Variants in CRYL1 observed in about 807,000 individuals in gnomAD.
CRYL1 encodes the protein crystallin lambda 1.
CRYL1 carries 29 observed loss-of-function variants against 36.6 expected under a neutral mutation model. The ratio of observed to expected loss-of-function variants is 0.79; its 90% CI spans 0.59 to 1.08. The LOEUF (loss-of-function observed/expected upper bound fraction) is 1.08, where lower values mean the gene tolerates loss of function less well. CRYL1 is among the 50% of genes least tolerant of loss of function. CRYL1 has a pLI of 0.00. For synonymous variants in CRYL1, 152 were observed against 151.5 expected, an observed-to-expected ratio of 1.00 and a Z score of -0.02; for missense variants, 411 against 407.9, an observed-to-expected ratio of 1.01 and a Z score of -0.06.
At chr13:20,513,443 G>A (rs1210059780) in intron 1 of CRYL1, 1 of 152,190 alleles carries the variant, frequency 6.6e-6, no homozygotes, top group Non-Finnish European at 1.5e-5. Context: ...ACATACCACA[G>A]GTCTTACCTA....
At position 20,525,433 on chromosome 13, in the gene CRYL1, G is replaced by A. The variant is rs1280754527; in HGVS notation, c.41+321C>T. ...CTGGCACTTCTATGTGGACCTGCGG[G>A]CAGACGCGGCGACATTCAACAGAGT... On this transcript the variant is annotated intron_variant, in intron 1 of 7. Coordinates refer to ENST00000298248, the MANE Select transcript of CRYL1 (RefSeq NM_015974.3). This position sits in a 1 kb window ranked among gnomAD's most constrained non-coding sequence, Gnocchi z 4.3. Among the ~76,000 whole-genome samples, 2 of 152,212 alleles carry A rather than the reference G, an allele frequency of 1.3e-5. No individual in the cohort carries two copies. The highest frequency in any genetic ancestry group is 2.9e-5 in the Non-Finnish European group (2 of 68,030).
At chr13:20,449,942 G>GGGCCGGGCGCGGTGGCTC (rs2032533598) in intron 3 of CRYL1, among the ~76,000 whole-genome samples, 1 of 152,086 alleles carries the variant, frequency 6.6e-6, no homozygotes, top group African/African-American at 2.4e-5. Flanking sequence ...AGAAATCACA[G>GGGCCGGGCGCGGTGGCTC]ATAACACAAA....
chr13:20,454,576 C>T (rs145661545), intron 3 of CRYL1, among the ~76,000 whole-genome samples: 2,335 of 152,094 alleles, frequency 0.015, 66 homozygotes, highest in African/African-American at 0.054. Context: ...TGCCACCACA[C>T]CCGGCTAATT....
intron 5 of CRYL1, among the ~76,000 whole-genome samples, chr13:20,420,710 T>C (rs2031786198): frequency 4.8e-5 from 6 of 123,998 alleles, no homozygotes; most frequent in Admixed American, 4.2e-4. Flanking sequence ...GTTGTGTGTG[T>C]GTGTGTGTGT....
chr13:20,430,357 A>G (rs956263906), intron 5 of CRYL1: 1 of 985,296 alleles, frequency 1.0e-6, no homozygotes, highest in African/African-American at 1.7e-5. Flanking sequence ...TGAGTCCCAC[A>G]GCAGCCAACA....
At chr13:20,488,490 G>C (rs958563842) in intron 3 of CRYL1, among the ~76,000 whole-genome samples, 1 of 152,190 alleles carries the variant, frequency 6.6e-6, no homozygotes, top group African/African-American at 2.4e-5. Context: ...TAGAGTCATA[G>C]AGACCTAAAA....
chr13:20,404,371 G>A, intron 7 of CRYL1, 129 bp from the exon 8 acceptor site: 1 of 653,184 alleles, frequency 1.5e-6, no homozygotes, highest in Non-Finnish European at 2.7e-6. Flanking sequence ...AACCCTCAAT[G>A]AACAGCAGCT....
At chr13:20,461,580 A>G (rs915433104) in intron 3 of CRYL1, among the ~76,000 whole-genome samples, 4 of 152,156 alleles carry the variant, frequency 2.6e-5, no homozygotes, top group African/African-American at 9.7e-5. Flanking sequence ...GGCACCACAA[A>G]GCAGGCAGCC....
chr13:20,494,283 T>A (rs2033566338), intron 2 of CRYL1, among the ~76,000 whole-genome samples: 1 of 152,274 alleles, frequency 6.6e-6, no homozygotes, highest in Non-Finnish European at 1.5e-5. Context: ...AGATGTTTAA[T>A]ACTGCGCCCA....
intron 5 of CRYL1, chr13:20,431,614 A>T: frequency 9.6e-7 from 1 of 1,040,894 alleles, no homozygotes; most frequent in Non-Finnish European, 1.2e-6. Flanking sequence ...TTTACATATC[A>T]TTTCCTCTTT....
At chr13:20,442,771 T>TG (rs1285623390) in intron 3 of CRYL1, among the ~76,000 whole-genome samples, 9 of 152,240 alleles carry the variant, frequency 5.9e-5, no homozygotes, top group African/African-American at 1.9e-4. Flanking sequence ...GCACTGACTT[T>TG]TGTTTGTTTG....
rs1055896299 is a variant in CRYL1 at position 20,435,133 on chromosome 13, T to G, written c.439-2837A>C. Reference sequence around the variant, plus strand: ...TAAGAGGAGAAAGTTCCATGGATTGTTGGTGGTGGTGGCTGCACACCAGTG... The same window carrying G: ...TAAGAGGAGAAAGTTCCATGGATTGGTGGTGGTGGTGGCTGCACACCAGTG... On this transcript the variant is annotated intron_variant, in intron 4 of 7. Transcript: ENST00000298248. This position sits in a 1 kb window ranked among gnomAD's most constrained non-coding sequence, Gnocchi z 4.0. 7.2e-5 allele frequency among the ~76,000 whole-genome samples: 11 copies of G among 152,232 alleles called. No homozygotes were observed. Among genetic ancestry groups the G allele is most frequent in the Admixed American group, 5.9e-4 (9 of 15,280 alleles).
At chr13:20,483,763 A>T (rs189274976) in intron 3 of CRYL1, among the ~76,000 whole-genome samples, 1 of 151,772 alleles carries the variant, frequency 6.6e-6, no homozygotes, top group East Asian at 2.0e-4. Flanking sequence ...TTGGTCTCGA[A>T]CTCCTGAGCT....
At chr13:20,522,018 C>T (rs1336551971) in intron 1 of CRYL1, among the ~76,000 whole-genome samples, 2 of 152,120 alleles carry the variant, frequency 1.3e-5, no homozygotes, top group Middle Eastern at 6.3e-3. Context: ...CCTAGAATAG[C>T]ACTTCAAAGA....
intron 3 of CRYL1, among the ~76,000 whole-genome samples, chr13:20,480,560 T>C (rs2033255453): frequency 6.6e-6 from 1 of 152,218 alleles, no homozygotes; most frequent in African/African-American, 2.4e-5. Flanking sequence ...CATAACTTCA[T>C]ACTCCACCCC....
At chr13:20,501,986 A>G (rs2033711415) in intron 2 of CRYL1, among the ~76,000 whole-genome samples, 3 of 152,220 alleles carry the variant, frequency 2.0e-5, no homozygotes, top group Admixed American at 6.5e-5. Context: ...GTGTGTGGAC[A>G]CTAACAATCA....
chr13:20,485,692 G>C, intron 3 of CRYL1, among the ~76,000 whole-genome samples: 1 of 151,496 alleles, frequency 6.6e-6, no homozygotes, highest in African/African-American at 2.4e-5. Context: ...AGATAGAAAA[G>C]AAAAGAAAAG....
chr13:20,413,428 A>C, intron 5 of CRYL1, 41 bp from the exon 6 acceptor site: 1 of 1,321,722 alleles, frequency 7.6e-7, no homozygotes, highest in Non-Finnish European at 1.1e-6. Context: ...GTTTTGTAAA[A>C]AGACAATTTC....
intron 5 of CRYL1, among the ~76,000 whole-genome samples, chr13:20,424,925 T>C (rs1160834275): frequency 6.6e-6 from 1 of 152,116 alleles, no homozygotes; most frequent in Non-Finnish European, 1.5e-5. Context: ...GTAGGTAAGA[T>C]GTAGAACCCC....
Sources: gnomAD v4.1 joint callset for allele counts (sites outside exome capture counted in the v4.1 genomes callset) on GRCh38, gnomAD v4.1.1 for gene constraint, Gnocchi (gnomAD v3.1) non-coding constraint, MANE v1.5 for transcripts, NCBI Gene and HGNC (gene_info 2026-07-23, HGNC 2026-07-21) for gene names.